The following KIAA1328 variants were observed in gnomAD, a reference collection of about 807,000 sequenced individuals.
KIAA1328 encodes the protein protein hinderin.
A neutral mutation model predicts 68.1 loss-of-function variants in KIAA1328; 52 were observed. The ratio of observed to expected loss-of-function variants is 0.76; its 90% CI spans 0.61 to 0.96. The LOEUF is 0.96. Among genes scored for constraint, KIAA1328 ranks in the 40% least tolerant of loss-of-function variants. The pLI, the probability that KIAA1328 is intolerant of heterozygous loss-of-function variation, is 0.00. For synonymous variants in KIAA1328, 232 were observed against 239.4 expected (o/e 0.97, Z 0.28); for missense variants, 641 against 677.6 (o/e 0.95, Z 0.60).
chr18:36,879,339 A>C (rs1452469627), intron 4 of KIAA1328, among the ~76,000 whole-genome samples: 1 of 152,134 alleles, frequency 6.6e-6, no homozygotes, highest in African/African-American at 2.4e-5. Flanking sequence ...TTGTCTGGGT[A>C]TCACCAGCAG....
At chr18:37,198,427 T>TA (rs369695989) in intron 9 of KIAA1328, among the ~76,000 whole-genome samples, 1 of 152,214 alleles carries the variant, frequency 6.6e-6, no homozygotes, top group Non-Finnish European at 1.5e-5. Flanking sequence ...ATAAGGACTA[T>TA]AAAAAATCTA....
intron 5 of KIAA1328, among the ~76,000 whole-genome samples, chr18:36,920,520 C>T (rs2049878149): frequency 6.6e-6 from 1 of 151,996 alleles, no homozygotes; most frequent in East Asian, 1.9e-4. Context: ...CTTAGGATTG[C>T]AAAGTTTAGT....
intron 5 of KIAA1328, chr18:36,902,491 A>C (rs745404367): frequency 3.3e-5 from 5 of 152,062 alleles, no homozygotes; most frequent in Non-Finnish European, 7.4e-5. Flanking sequence ...TACCACCTTC[A>C]AGACAGCAAA....
intron 6 of KIAA1328, among the ~76,000 whole-genome samples, chr18:36,996,762 CT>C (rs2053408263): frequency 1.3e-5 from 2 of 152,092 alleles, no homozygotes; most frequent in South Asian, 4.1e-4. Flanking sequence ...TTTTGCTGTA[CT>C]TTTTCTTTAA....
At chr18:37,023,661 G>C (rs560209395) in intron 6 of KIAA1328, among the ~76,000 whole-genome samples, 27 of 152,218 alleles carry the variant, frequency 1.8e-4, no homozygotes, top group Middle Eastern at 3.4e-3. Flanking sequence ...CAACCATTGG[G>C]TTTACTTTCC....
intron 7 of KIAA1328, among the ~76,000 whole-genome samples, chr18:37,095,742 A>C (rs945059862): frequency 2.2e-5 from 3 of 134,072 alleles, no homozygotes; most frequent in African/African-American, 3.8e-5. Flanking sequence ...GAAGTTGATA[A>C]ACCACTAACT....
chr18:37,021,293 AT>A (rs1312476858), intron 6 of KIAA1328, among the ~76,000 whole-genome samples: 1 of 152,202 alleles, frequency 6.6e-6, no homozygotes, highest in African/African-American at 2.4e-5. Context: ...CTGTGTACTT[AT>A]TTGGACAAAC....
At chr18:36,882,051 T>C (rs764495279) in intron 4 of KIAA1328, among the ~76,000 whole-genome samples, 5 of 152,210 alleles carry the variant, frequency 3.3e-5, no homozygotes, top group Non-Finnish European at 7.3e-5. Flanking sequence ...TTTACATTCC[T>C]ACTAAGCACT....
Position 37,067,197 on chromosome 18 carries a change from G to GTCC in KIAA1328, c.885_887dup (p.Pro296dup). Reference sequence around the variant, plus strand: ...CAAGAAGAATTGCACATGAAGGAATGTCCACATCTTAAGCCTACTCCTAGT... The same window carrying GTCC: ...CAAGAAGAATTGCACATGAAGGAATGTCCTCCACATCTTAAGCCTACTCCTAGT... On this transcript the variant is annotated inframe_insertion, in exon 7 of 10. Coordinates refer to ENST00000280020, the MANE Select transcript of KIAA1328 (RefSeq NM_020776.3). The GTCC allele has an allele frequency of 1.2e-6, 2 of 1,613,964 alleles. No individual in the cohort carries two copies. The highest frequency in any genetic ancestry group is 1.7e-6 in the Non-Finnish European group (2 of 1,179,868).
chr18:37,082,485 C>T (rs1039392578), intron 7 of KIAA1328, among the ~76,000 whole-genome samples: 1 of 152,078 alleles, frequency 6.6e-6, no homozygotes, highest in South Asian at 2.1e-4. Flanking sequence ...GGGAATTTCA[C>T]TTCAACTAAA....
At chr18:36,949,159 A>C (rs947112142) in intron 5 of KIAA1328, among the ~76,000 whole-genome samples, 1 of 152,140 alleles carries the variant, frequency 6.6e-6, no homozygotes, top group Non-Finnish European at 1.5e-5. Flanking sequence ...TAACCCATGA[A>C]AGGCTGAATT....
At chr18:37,196,788 T>C (rs2060011477) in intron 9 of KIAA1328, among the ~76,000 whole-genome samples, 1 of 152,168 alleles carries the variant, frequency 6.6e-6, no homozygotes, top group South Asian at 2.1e-4. Flanking sequence ...AATGCTGGTC[T>C]TGCAGAATTA....
chr18:36,846,328 C>T (rs2150818662), intron 4 of KIAA1328, among the ~76,000 whole-genome samples: 1 of 151,704 alleles, frequency 6.6e-6, no homozygotes, highest in African/African-American at 2.4e-5. Context: ...ATATTTCCCC[C>T]TTGTCACTAC....
At chr18:36,967,918 A>C (rs2052009930) in intron 6 of KIAA1328, among the ~76,000 whole-genome samples, 1 of 152,236 alleles carries the variant, frequency 6.6e-6, no homozygotes, top group African/African-American at 2.4e-5. Flanking sequence ...GAAAATCTTC[A>C]AGAAATATAG....
intron 5 of KIAA1328, among the ~76,000 whole-genome samples, chr18:36,907,195 C>A (rs550866983): frequency 1.3e-5 from 2 of 151,964 alleles, no homozygotes; most frequent in African/African-American, 2.4e-5. Flanking sequence ...TTTGTAGATT[C>A]TTTGCAGTTT....
chr18:37,058,273 C>T (rs2056003239), intron 6 of KIAA1328, among the ~76,000 whole-genome samples: 1 of 152,156 alleles, frequency 6.6e-6, no homozygotes, highest in Non-Finnish European at 1.5e-5. Flanking sequence ...CTTATCAGGA[C>T]TCCACATTCC....
At chr18:37,040,000 C>T (rs2151618912) in intron 6 of KIAA1328, among the ~76,000 whole-genome samples, 1 of 152,272 alleles carries the variant, frequency 6.6e-6, no homozygotes, top group South Asian at 2.1e-4. Flanking sequence ...GGGCCACTCT[C>T]ATCTTAATAG....
chr18:36,829,207 C>G lies in KIAA1328; in HGVS notation c.58+11C>G. ...TCTGGAGCCGGGACTGTATCCTTTG[C>G]CCGCCTGACAGGGGGCGCCGGCGCC... is the stretch of plus-strand genomic sequence containing the variant. On this transcript the variant is annotated intron_variant, in intron 1 of 9. Transcript: ENST00000280020. 6.6e-7 allele frequency: 1 copy of G among 1,515,546 alleles called. No homozygotes were observed. Among genetic ancestry groups the G allele is most frequent in the Non-Finnish European group, 8.8e-7 (1 of 1,133,770 alleles). The allele number at this position is 1,515,546 out of a possible 1,614,324, so 93.9% of individuals were successfully genotyped here.
At chr18:36,958,828 A>C (rs2051532273) in intron 5 of KIAA1328, among the ~76,000 whole-genome samples, 2 of 151,840 alleles carry the variant, frequency 1.3e-5, no homozygotes, top group South Asian at 4.1e-4. Flanking sequence ...CAATCATTTT[A>C]CATTTCGAAG....
Sources: allele counts gnomAD v4.1 joint callset (sites outside exome capture counted in the v4.1 genomes callset), GRCh38; gene constraint gnomAD v4.1.1; transcripts MANE v1.5; gene names NCBI Gene and HGNC (gene_info 2026-07-23, HGNC 2026-07-21).